Variants in PPARG observed in about 807,000 individuals in gnomAD.
PPARG encodes peroxisome proliferator activated receptor gamma.
A neutral mutation model predicts 39.2 loss-of-function variants in PPARG; 17 were observed. That is an observed-to-expected ratio of 0.43 (90% CI 0.30 to 0.65). PPARG has a LOEUF of 0.65. Among genes scored for constraint, PPARG ranks in the 30% least tolerant of loss-of-function variants. PPARG has a pLI of 0.13. For synonymous variants in PPARG, 223 were observed against 215.7 expected, an observed-to-expected ratio of 1.03 and a Z score of -0.30; for missense variants, 406 against 585.9, an observed-to-expected ratio of 0.69 and a Z score of 3.17.
chr3:12,318,164 A>G (rs2047440963), intron 2 of PPARG, among the ~76,000 whole-genome samples: 1 of 152,118 alleles, frequency 6.6e-6, no homozygotes, highest in Non-Finnish European at 1.5e-5. Flanking sequence ...TTCAGAGATG[A>G]GGCCTTGCTA....
intron 2 of PPARG, among the ~76,000 whole-genome samples, chr3:12,339,353 C>T (rs1229940282): frequency 2.0e-5 from 3 of 152,114 alleles, no homozygotes; most frequent in African/African-American, 4.8e-5. Flanking sequence ...ACAGATCTTA[C>T]TAGGTGATGA....
intron 2 of PPARG, among the ~76,000 whole-genome samples, chr3:12,330,109 A>C (rs1392543151): frequency 6.6e-6 from 1 of 152,072 alleles, no homozygotes; most frequent in African/African-American, 2.4e-5. Context: ...ATTGGTGTTC[A>C]AGTATCTGTT....
chr3:12,415,559 A>G (rs2051029482), intron 6 of PPARG, among the ~76,000 whole-genome samples: 1 of 152,058 alleles, frequency 6.6e-6, no homozygotes, highest in South Asian at 2.1e-4. Context: ...TAAAAGAGAG[A>G]GAATGTCATG....
chr3:12,298,427 T>C (rs1038522162), intron 1 of PPARG, among the ~76,000 whole-genome samples: 5 of 146,618 alleles, frequency 3.4e-5, no homozygotes, highest in African/African-American at 1.3e-4. Flanking sequence ...ACACACACAG[T>C]AATAGCCTTT....
chr3:12,394,647 A>G (rs1302643654), intron 5 of PPARG, among the ~76,000 whole-genome samples: 5 of 152,256 alleles, frequency 3.3e-5, no homozygotes, highest in Admixed American at 3.3e-4. Flanking sequence ...ACACTTAAAA[A>G]ATTGCAAACA....
chr3:12,416,577 C>A, intron 6 of PPARG, 127 bp from the exon 7 acceptor site: 2 of 846,496 alleles, frequency 2.4e-6, no homozygotes, highest in South Asian at 1.5e-5. Flanking sequence ...CATTATTAAG[C>A]ATCTTCAGCT....
Position 12,392,883 on chromosome 3 carries a change from G to A in PPARG, c.529+131G>A, listed in dbSNP as rs142188970. 4.3e-4 allele frequency: 489 copies of A among 1,147,122 alleles called. 1 individual carries two copies. The African/African-American group carries it at 6.4e-3, about 15-fold the overall frequency. The allele number at this position is 1,147,122 out of a possible 1,614,324, so 71.1% of individuals were successfully genotyped here. A position where few individuals can be genotyped will look rare whatever the true frequency, so the allele number is the denominator to read the frequency against. ...GCCAGAATTTAGAATATTGCATGGC[G>A]ATAAAACATTTCTCTTTTAGGTCAG... On this transcript the variant is annotated intron_variant, in intron 5 of 7. Transcript: ENST00000651735.
intron 2 of PPARG, chr3:12,351,820 A>G (rs2048498145): frequency 8.5e-6 from 6 of 703,008 alleles, no homozygotes; most frequent in Non-Finnish European, 1.5e-5. Context: ...GCTCGTTGCT[A>G]TCGCGTTCAT....
At chr3:12,359,321 T>C (rs1211062578) in intron 2 of PPARG, among the ~76,000 whole-genome samples, 1 of 152,034 alleles carries the variant, frequency 6.6e-6, no homozygotes, top group East Asian at 1.9e-4. Context: ...AATGAGGAAG[T>C]TTGGAAAAGA....
At chr3:12,376,238 C>T (rs1559513779) in intron 2 of PPARG, among the ~76,000 whole-genome samples, 1 of 152,072 alleles carries the variant, frequency 6.6e-6, no homozygotes, top group Non-Finnish European at 1.5e-5. Flanking sequence ...TGTGAGCCAC[C>T]GCACCCGGCC....
chr3:12,406,206 T>A, intron 6 of PPARG, 125 bp downstream of exon 6: 1 of 993,478 alleles, frequency 1.0e-6, no homozygotes, highest in Non-Finnish European at 1.6e-6. Flanking sequence ...TGTTGGCTGT[T>A]AACATATTGC....
intron 2 of PPARG, among the ~76,000 whole-genome samples, chr3:12,348,695 G>A (rs1302242732): frequency 6.6e-6 from 1 of 152,102 alleles, no homozygotes; most frequent in African/African-American, 2.4e-5. Flanking sequence ...AAGGAAAGTG[G>A]TCTTTTACCA....
chr3:12,337,927 G>T (rs575926290), intron 2 of PPARG, among the ~76,000 whole-genome samples: 1 of 152,268 alleles, frequency 6.6e-6, no homozygotes, highest in African/African-American at 2.4e-5. Context: ...CAAATACTAT[G>T]CTATTTTAGA....
rs538746823 is a variant in PPARG at position 12,357,083 on chromosome 3, C to G, written c.-8-22621C>G. Among the ~76,000 whole-genome samples, 9 of 152,272 alleles carry G rather than the reference C, an allele frequency of 5.9e-5. No homozygotes were observed. The South Asian group carries it at 1.9e-3, about 32-fold the overall frequency. On this transcript the variant is annotated intron_variant, in intron 2 of 7. Coordinates refer to ENST00000651735, the MANE Select transcript of PPARG (RefSeq NM_138711.6). The stretch of plus-strand genomic sequence containing the variant: ...ACACCGTCTGTGCCTGGCTGCTAGT[C>G]TCTTGATGGGGTTTTCAGCTTCCAT...
chr3:12,338,953 A>T (rs1230102918), intron 2 of PPARG, among the ~76,000 whole-genome samples: 1 of 152,244 alleles, frequency 6.6e-6, no homozygotes, highest in Non-Finnish European at 1.5e-5. Context: ...ATGAATTCTT[A>T]TACATTTTAT....
intron 2 of PPARG, among the ~76,000 whole-genome samples, chr3:12,366,277 T>C (rs1445036857): frequency 6.6e-6 from 1 of 152,080 alleles, no homozygotes; most frequent in East Asian, 1.9e-4. Flanking sequence ...ATGACTTTTG[T>C]ATATTAACCT....
chr3:12,394,654 A>G (rs918898443), intron 5 of PPARG, among the ~76,000 whole-genome samples: 1 of 152,234 alleles, frequency 6.6e-6, no homozygotes, highest in Non-Finnish European at 1.5e-5. Flanking sequence ...AAAAATTGCA[A>G]ACATAACTAA....
chr3:12,405,272 CATT>C (rs2125250902), intron 5 of PPARG, among the ~76,000 whole-genome samples: 1 of 152,288 alleles, frequency 6.6e-6, no homozygotes, highest in South Asian at 2.1e-4. Context: ...TGACAAACAT[CATT>C]AAGTGGTAAC....
chr3:12,321,674 T>C (rs920299388), intron 2 of PPARG, among the ~76,000 whole-genome samples: 4 of 152,324 alleles, frequency 2.6e-5, no homozygotes, highest in Admixed American at 2.6e-4. Flanking sequence ...TTACAGACTC[T>C]GTGGTCGGCC....
Sources: allele counts gnomAD v4.1 joint callset (sites outside exome capture counted in the v4.1 genomes callset), GRCh38; gene constraint gnomAD v4.1.1; transcripts MANE v1.5; gene names NCBI Gene and HGNC (gene_info 2026-07-23, HGNC 2026-07-21).